CACNA2D3: variants seen among roughly 807,000 people sequenced by gnomAD.
CACNA2D3 encodes voltage-dependent calcium channel subunit alpha-2/delta-3.
CACNA2D3 carries 60 observed loss-of-function variants against 160.6 expected under a neutral mutation model. The ratio of observed to expected loss-of-function variants is 0.37; its 90% confidence interval spans 0.30 to 0.46. CACNA2D3 has a LOEUF of 0.46. CACNA2D3 is among the 20% of genes least tolerant of loss of function. The pLI is 1.00. For synonymous variants in CACNA2D3, 558 were observed against 492.9 expected (o/e 1.13, Z -1.75); for missense variants, 1,205 against 1,365.0 (o/e 0.88, Z 1.85).
At chr3:54,274,961 C>T (rs1702704178) in intron 2 of CACNA2D3, among the ~76,000 whole-genome samples, 2 of 152,226 alleles carry the variant, frequency 1.3e-5, no homozygotes, top group South Asian at 2.1e-4. Context: ...GAAGAAGTCA[C>T]CAGGTCTAAC....
intron 35 of CACNA2D3, among the ~76,000 whole-genome samples, chr3:55,048,996 T>C (rs1215424016): frequency 6.8e-6 from 1 of 147,208 alleles, no homozygotes; most frequent in African/African-American, 2.5e-5. Flanking sequence ...TCTCTCTTTT[T>C]TTCTTTATTA....
intron 2 of CACNA2D3, among the ~76,000 whole-genome samples, chr3:54,232,204 G>A (rs13073263): frequency 0.16 from 24,752 of 152,188 alleles, 2,714 homozygotes; most frequent in East Asian, 0.51. Context: ...TCCTGGATCA[G>A]TCACTGTTGC....
intron 10 of CACNA2D3, chr3:54,638,321 T>A (rs904048097): frequency 6.6e-6 from 1 of 151,882 alleles, no homozygotes; most frequent in Non-Finnish European, 1.5e-5. Context: ...ACTATCTGAT[T>A]TGGGATAAAG....
intron 17 of CACNA2D3, among the ~76,000 whole-genome samples, chr3:54,848,987 C>T (rs1352344850): frequency 6.6e-6 from 1 of 152,188 alleles, no homozygotes; most frequent in Admixed American, 6.5e-5. Flanking sequence ...TCCTCAGCTT[C>T]CGTAAAGGTT....
chr3:55,072,806 C>G (rs573866981), intron 35 of CACNA2D3, among the ~76,000 whole-genome samples: 18 of 152,188 alleles, frequency 1.2e-4, no homozygotes, highest in Non-Finnish European at 2.5e-4. Context: ...TTAAGTTGGA[C>G]TAACTATCCT....
chr3:54,991,863 A>G lies in CACNA2D3; in HGVS notation c.2690+4110A>G, dbSNP rs189738016. Among the ~76,000 whole-genome samples, 600 of 152,354 alleles carry G rather than the reference A, an allele frequency of 3.9e-3. 4 individuals are homozygous for G. Among genetic ancestry groups the G allele is most frequent in the African/African-American group, 0.013 (557 of 41,582 alleles). Reference sequence around the variant, plus strand: ...TATGTTAAAATGCTTTTCAAATTGCAAAGCCATTGCAAACAGGAGATAAGA... The same window carrying G: ...TATGTTAAAATGCTTTTCAAATTGCGAAGCCATTGCAAACAGGAGATAAGA... On this transcript the variant is annotated intron_variant, in intron 31 of 37. Transcript: ENST00000474759.
At chr3:54,133,738 C>G (rs1699763294) in intron 2 of CACNA2D3, among the ~76,000 whole-genome samples, 1 of 152,192 alleles carries the variant, frequency 6.6e-6, no homozygotes, top group South Asian at 2.1e-4. Flanking sequence ...CTCATGTGGT[C>G]TGACTCCTAA....
At chr3:54,475,129 A>G (rs908003602) in intron 4 of CACNA2D3, among the ~76,000 whole-genome samples, 21 of 152,174 alleles carry the variant, frequency 1.4e-4, no homozygotes, top group Admixed American at 1.2e-3. Flanking sequence ...GGCGACAGAA[A>G]TTATCCTGGT....
chr3:54,857,629 T>C (rs1164260016), intron 17 of CACNA2D3, among the ~76,000 whole-genome samples: 1 of 152,206 alleles, frequency 6.6e-6, no homozygotes, highest in African/African-American at 2.4e-5. Context: ...CTGCGGGTAT[T>C]TCCTGGGAAT....
intron 11 of CACNA2D3, among the ~76,000 whole-genome samples, chr3:54,728,820 C>T (rs1701326836): frequency 6.6e-6 from 1 of 152,200 alleles, no homozygotes; most frequent in South Asian, 2.1e-4. Context: ...CTGTCTCCTC[C>T]TTGGTGAGGG....
At chr3:54,758,211 G>C in intron 12 of CACNA2D3, among the ~76,000 whole-genome samples, 1 of 152,202 alleles carries the variant, frequency 6.6e-6, no homozygotes, top group Non-Finnish European at 1.5e-5. Flanking sequence ...TGTAGCCACA[G>C]AGCTATAAGA....
chr3:54,949,268 C>G (rs368863634), intron 27 of CACNA2D3, among the ~76,000 whole-genome samples: 20 of 152,144 alleles, frequency 1.3e-4, no homozygotes, highest in African/African-American at 4.8e-4. Flanking sequence ...CCTACACATG[C>G]CACATGGACT....
chr3:55,037,672 G>A (rs1703855113), intron 35 of CACNA2D3, among the ~76,000 whole-genome samples: 1 of 152,092 alleles, frequency 6.6e-6, no homozygotes, highest in Non-Finnish European at 1.5e-5. Context: ...ATGGTTTAGG[G>A]TATCATGACA....
At chr3:54,221,341 C>G (rs1419236109) in intron 2 of CACNA2D3, among the ~76,000 whole-genome samples, 1 of 152,100 alleles carries the variant, frequency 6.6e-6, no homozygotes, top group Non-Finnish European at 1.5e-5. Context: ...TTGAGATTAC[C>G]AGCATATTTT....
chr3:54,141,086 T>TGTGTGTGTGTGTGC (rs61601297), intron 2 of CACNA2D3, among the ~76,000 whole-genome samples: 1 of 119,800 alleles, frequency 8.3e-6, no homozygotes, highest in East Asian at 2.4e-4. Flanking sequence ...TGTGTGTGTG[T>TGTGTGTGTGTGTGC]GCGCGCGCGC....
intron 4 of CACNA2D3, among the ~76,000 whole-genome samples, chr3:54,466,332 T>C (rs1473347836): frequency 6.6e-6 from 1 of 152,224 alleles, no homozygotes; most frequent in Non-Finnish European, 1.5e-5. Context: ...AGTCTCAAAT[T>C]AATTTTTACA....
chr3:55,012,238 G>A (rs905781466), intron 34 of CACNA2D3, among the ~76,000 whole-genome samples: 7 of 152,148 alleles, frequency 4.6e-5, no homozygotes, highest in South Asian at 2.1e-4. Context: ...TAAGCAATGC[G>A]TGCCAAGCCC....
chr3:54,821,928 C>T (rs1227915387), intron 14 of CACNA2D3, among the ~76,000 whole-genome samples: 1 of 152,028 alleles, frequency 6.6e-6, no homozygotes, highest in Non-Finnish European at 1.5e-5. Flanking sequence ...GTTTGCAAAG[C>T]TGCTGTTTTT....
chr3:54,742,086 C>T (rs573365012), intron 11 of CACNA2D3, among the ~76,000 whole-genome samples: 4 of 152,064 alleles, frequency 2.6e-5, no homozygotes, highest in African/African-American at 9.6e-5. Flanking sequence ...AGGCTGGTTT[C>T]GAACTTGTGG....
Sources: gnomAD v4.1 joint callset for allele counts (sites outside exome capture counted in the v4.1 genomes callset) on GRCh38, gnomAD v4.1.1 for gene constraint, MANE v1.5 for transcripts, NCBI Gene and HGNC (gene_info 2026-07-23, HGNC 2026-07-21) for gene names.